ST3GAL3: variants seen among roughly 807,000 people sequenced by gnomAD.
ST3GAL3 encodes ST3 beta-galactoside alpha-2,3-sialyltransferase 3, also known as CMP-N-acetylneuraminate-beta-1,4-galactoside alpha-2,3-sialyltransferase.
A neutral mutation model predicts 50.1 loss-of-function variants in ST3GAL3; 21 were observed. That is an observed-to-expected ratio of 0.42 (90% CI 0.30 to 0.60). The LOEUF (loss-of-function observed/expected upper bound fraction) is 0.60. Among genes scored for constraint, ST3GAL3 ranks in the 20% least tolerant of loss-of-function variants. The pLI is 0.19. For missense variants in ST3GAL3, 353 were observed against 489.4 expected (o/e 0.72, Z 2.63); for synonymous variants, 183 against 190.0 (o/e 0.96, Z 0.30).
chr1:43,859,104 G>A (rs1352481959), intron 5 of ST3GAL3, among the ~76,000 whole-genome samples: 2 of 152,220 alleles, frequency 1.3e-5, no homozygotes, highest in African/African-American at 4.8e-5. Context: ...ATTGTCCAGG[G>A]TGATGTGGCG....
intron 2 of ST3GAL3, among the ~76,000 whole-genome samples, chr1:43,750,017 T>C (rs1685414016): frequency 6.6e-6 from 1 of 152,180 alleles, no homozygotes; most frequent in African/African-American, 2.4e-5. Context: ...AGAAAATAAA[T>C]TTCTTTTTTT....
At chr1:43,789,966 T>C (rs2057842442) in intron 2 of ST3GAL3, among the ~76,000 whole-genome samples, 2 of 152,162 alleles carry the variant, frequency 1.3e-5, no homozygotes, top group South Asian at 2.1e-4. Flanking sequence ...GTGTCCTGAT[T>C]GTGATTCTAC....
intron 9 of ST3GAL3, among the ~76,000 whole-genome samples, chr1:43,906,080 C>G (rs549032232): frequency 2.8e-4 from 35 of 124,840 alleles, no homozygotes; most frequent in Non-Finnish European, 4.5e-4. Flanking sequence ...ACTTTTCCTC[C>G]CCCTCCTCCT....
At chr1:43,717,634 A>G (rs1005037293) in intron 1 of ST3GAL3, among the ~76,000 whole-genome samples, 7 of 150,808 alleles carry the variant, frequency 4.6e-5, no homozygotes, top group Non-Finnish European at 5.9e-5. Flanking sequence ...AATTGCTGGG[A>G]TTACAGGTGC....
At chr1:43,776,455 A>G (rs1402319187) in intron 2 of ST3GAL3, among the ~76,000 whole-genome samples, 2 of 152,170 alleles carry the variant, frequency 1.3e-5, no homozygotes, top group South Asian at 2.1e-4. Flanking sequence ...TTATTTATCC[A>G]TTCATCAGTT....
chr1:43,784,287 T>G (rs1408268018), intron 2 of ST3GAL3, among the ~76,000 whole-genome samples: 8 of 152,070 alleles, frequency 5.3e-5, no homozygotes, highest in Admixed American at 5.2e-4. Flanking sequence ...GGTGGGTGGA[T>G]CATTTGAGGT....
At chr1:43,862,835 G>A (rs1000423338) in intron 5 of ST3GAL3, among the ~76,000 whole-genome samples, 11 of 152,020 alleles carry the variant, frequency 7.2e-5, no homozygotes, top group African/African-American at 2.7e-4. Flanking sequence ...AGGATCGCTT[G>A]AGCCAGGGAG....
intron 2 of ST3GAL3, among the ~76,000 whole-genome samples, chr1:43,773,351 C>T (rs895886160): frequency 6.6e-6 from 1 of 152,150 alleles, no homozygotes; most frequent in African/African-American, 2.4e-5. Flanking sequence ...TCTTACTGAG[C>T]TTACTACATG....
chr1:43,922,850 C>G (rs2083287692), intron 11 of ST3GAL3, among the ~76,000 whole-genome samples: 1 of 149,680 alleles, frequency 6.7e-6, no homozygotes, highest in Non-Finnish European at 1.5e-5. Context: ...GCCTGTAATC[C>G]CAGCACTTTG....
chr1:43,758,905 G>A (rs1689119507), intron 2 of ST3GAL3, among the ~76,000 whole-genome samples: 2 of 152,078 alleles, frequency 1.3e-5, no homozygotes, highest in African/African-American at 2.4e-5. Flanking sequence ...GGCAGGCGTG[G>A]TGGCGTGTGC....
At chr1:43,759,178 GCT>G (rs1247341500) in intron 2 of ST3GAL3, among the ~76,000 whole-genome samples, 1 of 151,938 alleles carries the variant, frequency 6.6e-6, no homozygotes, top group African/African-American at 2.4e-5. Flanking sequence ...GGGCGTGGTG[GCT>G]CACGCCTGTA....
In ST3GAL3 at chr1:43,866,042, C is replaced by T. The variant is rs114596261; in HGVS notation, c.302+27731C>T. ...AAGCAGCCGGGCCTTTTCCAGGGCT[C>T]CTGACCTCCTCTGGAATTATCACTG... On this transcript the variant is annotated intron_variant, in intron 5 of 11. Coordinates refer to ENST00000347631, the MANE Select transcript of ST3GAL3 (RefSeq NM_006279.5). 9.5e-3 allele frequency among the ~76,000 whole-genome samples: 1,454 copies of T among 152,252 alleles called. 21 individuals are homozygous for T. Among genetic ancestry groups the T allele is most frequent in the African/African-American group, 0.033 (1,391 of 41,540 alleles).
intron 5 of ST3GAL3, among the ~76,000 whole-genome samples, chr1:43,872,256 G>GC (rs2073123973): frequency 9.2e-6 from 1 of 108,780 alleles, no homozygotes; most frequent in Non-Finnish European, 1.9e-5. Flanking sequence ...GAGAGGTGTG[G>GC]GGGGAAGGGG....
At chr1:43,848,294 CTTT>C (rs58438507) in intron 5 of ST3GAL3, among the ~76,000 whole-genome samples, 3 of 70,390 alleles carry the variant, frequency 4.3e-5, no homozygotes, top group Admixed American at 2.0e-4. Flanking sequence ...TTGTGGTTTT[CTTT>C]TTTTTTTTTT....
At chr1:43,929,916 T>TAG in intron 11 of ST3GAL3, 2 of 691,916 alleles carry the variant, frequency 2.9e-6, no homozygotes, top group South Asian at 2.9e-5. Context: ...ATGAAGGTTC[T>TAG]TTTTTCCCTG....
intron 2 of ST3GAL3, among the ~76,000 whole-genome samples, chr1:43,751,963 C>T (rs907499068): frequency 2.0e-5 from 3 of 151,980 alleles, no homozygotes; most frequent in African/African-American, 7.3e-5. Flanking sequence ...GGATTACAGG[C>T]CCTGCTACCA....
At chr1:43,769,745 A>C (rs1694379169) in intron 2 of ST3GAL3, among the ~76,000 whole-genome samples, 1 of 152,210 alleles carries the variant, frequency 6.6e-6, no homozygotes, top group Non-Finnish European at 1.5e-5. Flanking sequence ...ACATAAGAAA[A>C]AGGTAATATA....
At chr1:43,782,743 A>G (rs1235426686) in intron 2 of ST3GAL3, among the ~76,000 whole-genome samples, 2 of 141,158 alleles carry the variant, frequency 1.4e-5, no homozygotes, top group African/African-American at 5.0e-5. Flanking sequence ...TCCTCATGAC[A>G]TGGCCTTATG....
intron 2 of ST3GAL3, among the ~76,000 whole-genome samples, chr1:43,775,786 G>T (rs1696999804): frequency 6.6e-6 from 1 of 151,834 alleles, no homozygotes; most frequent in Non-Finnish European, 1.5e-5. Flanking sequence ...CACAAACCAG[G>T]AGTTTTTTTT....
Sources: allele counts gnomAD v4.1 joint callset (sites outside exome capture counted in the v4.1 genomes callset), GRCh38; gene constraint gnomAD v4.1.1; transcripts MANE v1.5; gene names NCBI Gene and HGNC (gene_info 2026-07-23, HGNC 2026-07-21).